The following DSCAM variants were observed in gnomAD, a reference collection of about 807,000 sequenced individuals.
The protein encoded by DSCAM is DS cell adhesion molecule.
Under a neutral mutation model 217.7 loss-of-function variants are expected in DSCAM, and 47 were observed. That is an observed-to-expected ratio of 0.22 (90% CI 0.17 to 0.28). DSCAM has a LOEUF of 0.28. Ranked by LOEUF, DSCAM falls within the 10% of genes least tolerant of loss-of-function variation. The pLI, the probability that DSCAM is intolerant of heterozygous loss-of-function variation, is 1.00. For synonymous variants in DSCAM, 1,056 were observed against 1,015.3 expected, an observed-to-expected ratio of 1.04 and a Z score of -0.76; for missense variants, 2,080 against 2,618.3, an observed-to-expected ratio of 0.79 and a Z score of 4.49.
intron 3 of DSCAM, among the ~76,000 whole-genome samples, chr21:40,512,011 G>C (rs368548118): frequency 0.19 from 7,211 of 38,268 alleles, 342 homozygotes; most frequent in African/African-American, 0.37. Flanking sequence ...AAAAAAAAAA[G>C]TATTCTATTT....
chr21:40,558,243 G>C (rs2076687939), intron 3 of DSCAM, among the ~76,000 whole-genome samples: 1 of 151,980 alleles, frequency 6.6e-6, no homozygotes, highest in Admixed American at 6.6e-5. Flanking sequence ...TCAGGAGATC[G>C]AGACCATCCT....
intron 11 of DSCAM, among the ~76,000 whole-genome samples, chr21:40,210,241 C>G (rs1164130322): frequency 6.6e-6 from 1 of 152,232 alleles, no homozygotes; most frequent in Non-Finnish European, 1.5e-5. Flanking sequence ...CCTACCTCCT[C>G]TATGGAGCCC....
At position 40,586,513 on chromosome 21, in the gene DSCAM, G is replaced by A. The variant is rs183363724; in HGVS notation, c.508+106297C>T. Reference sequence around the variant, plus strand: ...AAGGAGAAGGATGTTTCAGCCCAGCGCTCCTCAAACTTCATTTGCATAATA... The same window carrying A: ...AAGGAGAAGGATGTTTCAGCCCAGCACTCCTCAAACTTCATTTGCATAATA... On this transcript the variant is annotated intron_variant, in intron 3 of 32. Coordinates refer to ENST00000400454, the MANE Select transcript of DSCAM (RefSeq NM_001389.5). 1.1e-4 allele frequency among the ~76,000 whole-genome samples: 16 copies of A among 152,240 alleles called. No homozygotes were observed. The East Asian group carries it at 2.5e-3, about 24-fold the overall frequency.
At chr21:40,623,841 G>A (rs911094234) in intron 3 of DSCAM, among the ~76,000 whole-genome samples, 1 of 152,216 alleles carries the variant, frequency 6.6e-6, no homozygotes, top group East Asian at 1.9e-4. Context: ...GTTCTTTAAG[G>A]GATAGTCACT....
chr21:40,338,521 G>T, intron 7 of DSCAM, 145 bp from the exon 8 acceptor site: 1 of 889,164 alleles, frequency 1.1e-6, no homozygotes, highest in Non-Finnish European at 1.6e-6. Flanking sequence ...TTTGCATGTG[G>T]CATTTTCTAC....
chr21:40,555,711 T>C (rs992140700), intron 3 of DSCAM, among the ~76,000 whole-genome samples: 2 of 152,198 alleles, frequency 1.3e-5, no homozygotes, highest in African/African-American at 4.8e-5. Context: ...TAGCTCACTA[T>C]AACCTCAAAT....
At chr21:40,809,960 G>A (rs1212540987) in intron 1 of DSCAM, among the ~76,000 whole-genome samples, 4 of 152,180 alleles carry the variant, frequency 2.6e-5, no homozygotes, top group African/African-American at 9.7e-5. Flanking sequence ...TATTAGCAGT[G>A]CATTGCACCA....
At chr21:40,597,682 G>A (rs960219541) in intron 3 of DSCAM, among the ~76,000 whole-genome samples, 2 of 151,568 alleles carry the variant, frequency 1.3e-5, no homozygotes, top group African/African-American at 2.4e-5. Context: ...AATTTTTTGT[G>A]TTTTTAATAG....
At chr21:40,253,582 C>T (rs930068860) in intron 11 of DSCAM, among the ~76,000 whole-genome samples, 1 of 152,144 alleles carries the variant, frequency 6.6e-6, no homozygotes, top group African/African-American at 2.4e-5. Context: ...GACATTCAGC[C>T]TCACCCCCTG....
At chr21:40,625,550 G>A (rs2089588830) in intron 3 of DSCAM, among the ~76,000 whole-genome samples, 1 of 152,032 alleles carries the variant, frequency 6.6e-6, no homozygotes, top group Non-Finnish European at 1.5e-5. Context: ...TCCTAAACTT[G>A]CTCAGTTAGA....
chr21:40,112,127 C>A (rs550107569), intron 20 of DSCAM, among the ~76,000 whole-genome samples: 1 of 148,300 alleles, frequency 6.7e-6, no homozygotes, highest in South Asian at 2.1e-4. Flanking sequence ...TTTTCAGCAC[C>A]ACACCACACG....
At chr21:40,759,244 C>T (rs553511347) in intron 1 of DSCAM, among the ~76,000 whole-genome samples, 33 of 152,178 alleles carry the variant, frequency 2.2e-4, no homozygotes, top group African/African-American at 5.8e-4. Context: ...CAGCCTCCCA[C>T]GTGCTCCAAG....
chr21:40,262,287 T>A lies in DSCAM; in HGVS notation c.2356+13810A>T, dbSNP rs183696196. Among the ~76,000 whole-genome samples, 665 of 152,246 alleles carry A rather than the reference T, an allele frequency of 4.4e-3. 3 individuals carry two copies. The highest frequency in any genetic ancestry group is 0.015 in the African/African-American group (608 of 41,532). The stretch of plus-strand genomic sequence containing the variant: ...CACGGTATTTGAGAGGCAGGATATT[T>A]AGGAGATAATTAGATTTAGATGAGG... On this transcript the variant is annotated intron_variant, in intron 11 of 32. Transcript: ENST00000400454.
chr21:40,219,189 G>A (rs1404777348), intron 11 of DSCAM, among the ~76,000 whole-genome samples: 1 of 152,148 alleles, frequency 6.6e-6, no homozygotes, highest in Non-Finnish European at 1.5e-5. Flanking sequence ...AATGGAATGA[G>A]TGTTGAATTT....
At chr21:40,785,006 C>T (rs1468335990) in intron 1 of DSCAM, among the ~76,000 whole-genome samples, 1 of 152,174 alleles carries the variant, frequency 6.6e-6, no homozygotes, top group Non-Finnish European at 1.5e-5. Context: ...ATTTAGTCTT[C>T]TAATTCATAA....
At chr21:40,317,413 G>A (rs903821809) in intron 8 of DSCAM, among the ~76,000 whole-genome samples, 2 of 152,180 alleles carry the variant, frequency 1.3e-5, no homozygotes, top group African/African-American at 2.4e-5. Flanking sequence ...GTGATTTATG[G>A]ACGTGCCCAT....
intron 3 of DSCAM, among the ~76,000 whole-genome samples, chr21:40,518,565 CAT>C (rs1568871893): frequency 2.5e-5 from 2 of 81,022 alleles, no homozygotes; most frequent in Middle Eastern, 6.3e-3. Flanking sequence ...TACACACACA[CAT>C]ATATACATAC....
chr21:40,817,579 G>A (rs1916254700), intron 1 of DSCAM, among the ~76,000 whole-genome samples: 1 of 152,122 alleles, frequency 6.6e-6, no homozygotes, highest in African/African-American at 2.4e-5. Flanking sequence ...AAAAGCAAGC[G>A]TGATGCATAA....
chr21:40,503,348 C>T (rs2076184976), intron 3 of DSCAM, among the ~76,000 whole-genome samples: 1 of 152,232 alleles, frequency 6.6e-6, no homozygotes, highest in African/African-American at 2.4e-5. Context: ...GAGTATCAGC[C>T]TACACTGTTT....
Sources: allele counts gnomAD v4.1 joint callset (sites outside exome capture counted in the v4.1 genomes callset), GRCh38; gene constraint gnomAD v4.1.1; transcripts MANE v1.5; gene names NCBI Gene and HGNC (gene_info 2026-07-23, HGNC 2026-07-21).